Variants in TCEANC2 observed in about 807,000 individuals in gnomAD.
TCEANC2 encodes the protein transcription elongation factor A N-terminal and central domain-containing protein 2.
In TCEANC2, 20 loss-of-function variants were observed where a neutral mutation model predicts 22.8. The observed-to-expected ratio is 0.88, with a 90% CI of 0.62 to 1.28. The LOEUF (loss-of-function observed/expected upper bound fraction) is 1.28. Ranked by LOEUF, TCEANC2 falls within the 50% of genes most tolerant of loss-of-function variation. The pLI is 0.00. For missense variants in TCEANC2, 251 were observed against 249.7 expected, an observed-to-expected ratio of 1.01 and a Z score of -0.03; for synonymous variants, 84 against 95.5, an observed-to-expected ratio of 0.88 and a Z score of 0.70.
chr1:54,069,958 CT>C (rs1658027132), intron 3 of TCEANC2, among the ~76,000 whole-genome samples: 1 of 152,192 alleles, frequency 6.6e-6, no homozygotes. Flanking sequence ...TCATTCACAG[CT>C]GCTGTTCTTG....
intron 3 of TCEANC2, among the ~76,000 whole-genome samples, chr1:54,072,458 G>A (rs887233983): frequency 1.2e-4 from 18 of 151,218 alleles, no homozygotes; most frequent in Admixed American, 3.9e-4. Context: ...GTGCAGTGGC[G>A]CGATCTCAGC....
rs934009964 is a variant in TCEANC2 at position 54,099,598 on chromosome 1, G to C, written c.*3125G>C. The C allele has an allele frequency of 6.6e-6, 1 of 152,022 alleles. No individual in the cohort carries two copies. The highest frequency in any genetic ancestry group is 3.2e-3 in the Middle Eastern group (1 of 316). The allele number at this position is 152,022 out of a possible 1,614,324, so 9.4% of individuals were successfully genotyped here. A position where few individuals can be genotyped will look rare whatever the true frequency, so the allele number is the denominator to read the frequency against. ...GTCTGTACTAAAAATACAAAAATTAGCCAGATATGATGGCAGGCGCCTGTA... is the reference window on the plus strand; with the variant it reads ...GTCTGTACTAAAAATACAAAAATTACCCAGATATGATGGCAGGCGCCTGTA... On this transcript the variant is annotated 3_prime_UTR_variant, in exon 5 of 5. Transcript: ENST00000234827.
At chr1:54,110,560 C>T (rs113476961), downstream of TCEANC2, among the ~76,000 whole-genome samples, 1,316 of 152,116 alleles carry the variant, frequency 8.7e-3, 25 homozygotes, top group African/African-American at 0.03. Flanking sequence ...GCCGTAATTG[C>T]GCCACTGCAC....
chr1:54,060,338 G>A (rs373616439), intron 2 of TCEANC2, among the ~76,000 whole-genome samples: 9 of 152,150 alleles, frequency 5.9e-5, no homozygotes, highest in East Asian at 5.8e-4. Flanking sequence ...CTGGGAGGCG[G>A]AGGTTGCAGT....
chr1:54,074,449 C>T (rs534903239), intron 3 of TCEANC2, among the ~76,000 whole-genome samples: 9 of 151,470 alleles, frequency 5.9e-5, no homozygotes, highest in East Asian at 3.9e-4. Context: ...GGCAACAGAC[C>T]GAGACTCCGT....
At chr1:54,077,092 T>C (rs985329589) in intron 3 of TCEANC2, among the ~76,000 whole-genome samples, 3 of 152,086 alleles carry the variant, frequency 2.0e-5, no homozygotes, top group African/African-American at 7.2e-5. Flanking sequence ...AATGGAGAAA[T>C]GAAATAGCTC....
At chr1:54,083,701 A>G (rs904465902) in intron 3 of TCEANC2, among the ~76,000 whole-genome samples, 1 of 152,292 alleles carries the variant, frequency 6.6e-6, no homozygotes, top group East Asian at 1.9e-4. Flanking sequence ...ATATTGCCCT[A>G]CTATAACACA....
In TCEANC2 at chr1:54,098,612, GTC is replaced by G. The variant is rs1285241769; in HGVS notation, c.*2143_*2144del. ...AGAATGTAAGCTTCATGAAAGCAGA[GTC>G]TCTGTTCTGTTCCCTGTTATATCTC... is the stretch of plus-strand genomic sequence containing the variant. On this transcript the variant is annotated 3_prime_UTR_variant, in exon 5 of 5. Coordinates refer to ENST00000234827, the MANE Select transcript of TCEANC2 (RefSeq NM_153035.3). The G allele has an allele frequency of 2.6e-5, 4 of 152,192 alleles. No homozygotes were observed. Among genetic ancestry groups the G allele is most frequent in the African/African-American group, 4.8e-5 (2 of 41,436 alleles). 9.4% of individuals were successfully genotyped at this position (152,192 alleles called of 1,614,324 possible). A position where few individuals can be genotyped will look rare whatever the true frequency, so the allele number is the denominator to read the frequency against.
chr1:54,084,344 A>G (rs1238870523), intron 3 of TCEANC2, among the ~76,000 whole-genome samples: 1 of 152,132 alleles, frequency 6.6e-6, no homozygotes, highest in Admixed American at 6.5e-5. Context: ...CAAAGTAGTT[A>G]TTGTTTAAAT....
chr1:54,058,116 T>C (rs1180758513), intron 2 of TCEANC2, among the ~76,000 whole-genome samples: 1 of 152,246 alleles, frequency 6.6e-6, no homozygotes, highest in East Asian at 1.9e-4. Flanking sequence ...TAAGGTATTA[T>C]GAAATTTGAG....
At position 54,077,981 on chromosome 1, in the gene TCEANC2, T is replaced by A. The variant is rs540519104; in HGVS notation, c.244+9084T>A. ...AATTCAGATACCTCTTGGATATGCA[T>A]CTCCTATCCTGATCCATTTTTGAAT... On this transcript the variant is annotated intron_variant, in intron 3 of 4. Coordinates refer to ENST00000234827, the MANE Select transcript of TCEANC2 (RefSeq NM_153035.3). Among the ~76,000 whole-genome samples, 3 of 152,310 alleles carry A rather than the reference T, an allele frequency of 2.0e-5. No individual in the cohort carries two copies. The South Asian group carries it at 6.2e-4, about 32-fold the overall frequency.
At chr1:54,085,608 C>T (rs1658325736) in intron 3 of TCEANC2, among the ~76,000 whole-genome samples, 1 of 152,098 alleles carries the variant, frequency 6.6e-6, no homozygotes, top group Non-Finnish European at 1.5e-5. Context: ...CATAACTCCT[C>T]TTTTTCAAAA....
chr1:54,095,940 C>CAA (rs149327842), intron 4 of TCEANC2, among the ~76,000 whole-genome samples: 2 of 151,090 alleles, frequency 1.3e-5, no homozygotes, highest in South Asian at 4.2e-4. Flanking sequence ...AAAAACAAAA[C>CAA]AAAAAAAAAT....
exon 5 of TCEANC2, chr1:54,111,206 G>T (rs1570039520): frequency 6.6e-6 from 1 of 152,194 alleles, no homozygotes; most frequent in Non-Finnish European, 1.5e-5. Context: ...GATAGTCCAC[G>T]CAGCCGAGCA....
intron 3 of TCEANC2, among the ~76,000 whole-genome samples, chr1:54,070,982 G>A (rs941875316): frequency 1.3e-5 from 2 of 152,204 alleles, no homozygotes; most frequent in East Asian, 1.9e-4. Context: ...AGAAGGTATT[G>A]AAGAATGTGT....
chr1:54,086,155 G>A (rs996126384), intron 3 of TCEANC2, among the ~76,000 whole-genome samples: 12 of 151,984 alleles, frequency 7.9e-5, no homozygotes, highest in Non-Finnish European at 1.3e-4. Context: ...CTTTATATGA[G>A]TCTCTCATTC....
At chr1:54,068,581 G>A (rs1401000348) in intron 2 of TCEANC2, among the ~76,000 whole-genome samples, 175 bp from the exon 3 acceptor site, 2 of 152,110 alleles carry the variant, frequency 1.3e-5, no homozygotes, top group Non-Finnish European at 2.9e-5. Flanking sequence ...TTTGCACTAA[G>A]CCGTACCTGC....
intron 2 of TCEANC2, among the ~76,000 whole-genome samples, chr1:54,065,651 G>A (rs190933603): frequency 1.1e-3 from 160 of 152,186 alleles, no homozygotes; most frequent in Admixed American, 2.3e-3. Flanking sequence ...CCAGGAGATC[G>A]AGGCTGCAGT....
At chr1:54,093,553 A>G (rs1295373642) in intron 4 of TCEANC2, among the ~76,000 whole-genome samples, 2 of 152,112 alleles carry the variant, frequency 1.3e-5, no homozygotes, top group African/African-American at 2.4e-5. Flanking sequence ...CACTGCTGGC[A>G]TAGCACCTGT....
Sources: gnomAD v4.1 joint callset for allele counts (sites outside exome capture counted in the v4.1 genomes callset) on GRCh38, gnomAD v4.1.1 for gene constraint, MANE v1.5 for transcripts, NCBI Gene and HGNC (gene_info 2026-07-23, HGNC 2026-07-21) for gene names.